The following GPC6 variants were observed in gnomAD, a reference collection of about 807,000 sequenced individuals.
The protein encoded by GPC6 is glypican 6, also known as glypican-6.
Under a neutral mutation model 55.2 loss-of-function variants are expected in GPC6, and 14 were observed. That is an observed-to-expected ratio of 0.25 (90% CI 0.17 to 0.40). The LOEUF (loss-of-function observed/expected upper bound fraction) is 0.40, where lower values mean the gene tolerates loss of function less well. Among genes scored for constraint, GPC6 ranks in the 10% least tolerant of loss-of-function variants. The pLI, the probability that GPC6 is intolerant of heterozygous loss-of-function variation, is 1.00. For synonymous variants in GPC6, 278 were observed against 259.6 expected (o/e 1.07, Z -0.68); for missense variants, 641 against 708.5 (o/e 0.90, Z 1.08).
chr13:93,557,039 G>A (rs573908396), intron 2 of GPC6, among the ~76,000 whole-genome samples: 140 of 152,236 alleles, frequency 9.2e-4, no homozygotes, highest in Non-Finnish European at 1.7e-3. Context: ...CTAATTGAAG[G>A]AAAAGTGCCT....
chr13:93,720,157 G>A (rs1010990191), intron 2 of GPC6, among the ~76,000 whole-genome samples: 1 of 152,042 alleles, frequency 6.6e-6, no homozygotes, highest in South Asian at 2.1e-4. Context: ...AGAAGGAATG[G>A]TACCAGCTCC....
chr13:93,248,073 C>A (rs1009288220), intron 1 of GPC6, among the ~76,000 whole-genome samples: 5 of 152,198 alleles, frequency 3.3e-5, no homozygotes, highest in Non-Finnish European at 7.3e-5. Context: ...TATGTATACA[C>A]ATAAGCTGGT....
intron 2 of GPC6, among the ~76,000 whole-genome samples, chr13:93,800,724 T>TA (rs59004044): frequency 0.029 from 4,452 of 152,314 alleles, 79 homozygotes; most frequent in South Asian, 0.064. Flanking sequence ...GCAATGTGCA[T>TA]AAAATGTTTT....
intron 1 of GPC6, among the ~76,000 whole-genome samples, chr13:93,310,114 G>A (rs1879014353): frequency 6.6e-6 from 1 of 152,216 alleles, no homozygotes; most frequent in East Asian, 1.9e-4. Flanking sequence ...TCATAGAATC[G>A]TACATGTCCA....
At chr13:93,798,934 A>AAAAAAAT (rs1886288724) in intron 2 of GPC6, among the ~76,000 whole-genome samples, 1 of 151,826 alleles carries the variant, frequency 6.6e-6, no homozygotes, top group Non-Finnish European at 1.5e-5. Flanking sequence ...AAAAAAAAAA[A>AAAAAAAT]AAATGGTGAC....
At chr13:93,517,746 A>G (rs1881255546) in intron 1 of GPC6, among the ~76,000 whole-genome samples, 1 of 152,048 alleles carries the variant, frequency 6.6e-6, no homozygotes, top group Non-Finnish European at 1.5e-5. Flanking sequence ...GTACTACAGC[A>G]AGAGCTCTTA....
chr13:94,001,587 G>C (rs1881802466), intron 3 of GPC6, among the ~76,000 whole-genome samples: 1 of 152,108 alleles, frequency 6.6e-6, no homozygotes, highest in Admixed American at 6.6e-5. Context: ...AACAAGTTTA[G>C]ATAAATAGCA....
chr13:94,404,711 A>G lies in GPC6; in HGVS notation c.*1494A>G, dbSNP rs1321548139. 1 of 152,234 alleles carries G rather than the reference A, an allele frequency of 6.6e-6. No homozygotes were observed. 9.4% of individuals were successfully genotyped at this position (152,234 alleles called of 1,614,324 possible). A position where few individuals can be genotyped will look rare whatever the true frequency, so the allele number is the denominator to read the frequency against. On this transcript the variant is annotated 3_prime_UTR_variant, in exon 9 of 9. Coordinates refer to ENST00000377047, the MANE Select transcript of GPC6 (RefSeq NM_005708.5). ...ACTGTATGTGTAAAGAATGTTATTC[A>G]TGAAAAACCATTGCTTTCATGTAAA...
chr13:93,355,434 C>A (rs1880811324), intron 1 of GPC6, among the ~76,000 whole-genome samples: 1 of 152,114 alleles, frequency 6.6e-6, no homozygotes, highest in South Asian at 2.1e-4. Flanking sequence ...GAAAAGGCAG[C>A]ATTTGGGTTG....
chr13:93,685,071 T>A (rs1326573515), intron 2 of GPC6, among the ~76,000 whole-genome samples: 2 of 152,260 alleles, frequency 1.3e-5, no homozygotes, highest in African/African-American at 4.8e-5. Context: ...AGATATCTTT[T>A]ATTTAAGTCA....
chr13:93,329,998 T>A (rs1594100484), intron 1 of GPC6, among the ~76,000 whole-genome samples: 1 of 152,306 alleles, frequency 6.6e-6, no homozygotes, highest in East Asian at 1.9e-4. Context: ...GTTTTACAAG[T>A]CTTAGAAGTT....
At chr13:93,922,484 G>T (rs1215238347) in intron 3 of GPC6, among the ~76,000 whole-genome samples, 1 of 152,104 alleles carries the variant, frequency 6.6e-6, no homozygotes, top group Non-Finnish European at 1.5e-5. Context: ...ACTTGGCACT[G>T]TTGTCATTTT....
intron 5 of GPC6, among the ~76,000 whole-genome samples, chr13:94,301,086 A>G (rs558369632): frequency 1.3e-5 from 2 of 152,324 alleles, no homozygotes; most frequent in South Asian, 4.2e-4. Context: ...GGGAAACACT[A>G]CTGATGTCAT....
chr13:94,257,317 A>G (rs1275593915), intron 4 of GPC6, among the ~76,000 whole-genome samples: 1 of 152,222 alleles, frequency 6.6e-6, no homozygotes, highest in Non-Finnish European at 1.5e-5. Flanking sequence ...CTATGTCCTA[A>G]TCAAAGTCAT....
intron 4 of GPC6, among the ~76,000 whole-genome samples, chr13:94,273,923 A>C: frequency 6.6e-6 from 1 of 152,204 alleles, no homozygotes; most frequent in East Asian, 1.9e-4. Flanking sequence ...ACTTATTCCT[A>C]TGAAGAATCA....
intron 1 of GPC6, among the ~76,000 whole-genome samples, chr13:93,335,479 A>G (rs1450235180): frequency 2.0e-5 from 3 of 152,236 alleles, no homozygotes; most frequent in African/African-American, 7.2e-5. Context: ...GTAAAAGATC[A>G]CAGAAGTGAT....
intron 4 of GPC6, among the ~76,000 whole-genome samples, chr13:94,086,598 G>A (rs1030988751): frequency 6.6e-6 from 1 of 152,160 alleles, no homozygotes; most frequent in East Asian, 1.9e-4. Context: ...CAGAAGTCTT[G>A]TTCTTAGTTC....
intron 2 of GPC6, among the ~76,000 whole-genome samples, chr13:93,815,425 T>C (rs1262018700): frequency 1.3e-5 from 2 of 152,172 alleles, no homozygotes. Flanking sequence ...TTATCTAGAA[T>C]TTAATATAAT....
chr13:93,236,818 G>A (rs1273565129), intron 1 of GPC6, among the ~76,000 whole-genome samples: 1 of 152,038 alleles, frequency 6.6e-6, no homozygotes, highest in East Asian at 1.9e-4. Context: ...GTGAAAACGT[G>A]GTATTTGGTT....
Sources: allele counts gnomAD v4.1 joint callset (sites outside exome capture counted in the v4.1 genomes callset), GRCh38; gene constraint gnomAD v4.1.1; transcripts MANE v1.5; gene names NCBI Gene and HGNC (gene_info 2026-07-23, HGNC 2026-07-21).